The following ZNF595 variants were observed in gnomAD, a reference collection of about 807,000 sequenced individuals.
ZNF595 encodes the protein zinc finger protein 595.
ZNF595 carries 9 observed loss-of-function variants against 19.4 expected under a neutral mutation model. That is an observed-to-expected ratio of 0.46 (90% CI 0.28 to 0.81). The LOEUF is 0.81. Among genes scored for constraint, ZNF595 ranks in the 30% least tolerant of loss-of-function variants. ZNF595 has a pLI of 0.11. For synonymous variants in ZNF595, 255 were observed against 255.9 expected (o/e 1.00, Z 0.03); for missense variants, 729 against 736.0 (o/e 0.99, Z 0.11).
rs528790386 is a variant in ZNF595 at position 80,683 on chromosome 4, T to G, written c.227-5048T>G. ...GGGACAGGGGTCACAAGGTGCTCAG[T>G]TGGGGAGCTTCTGAGCCAGGAGAAG... On this transcript the variant is annotated intron_variant, in intron 3 of 3. Coordinates refer to ENST00000610261, the MANE Select transcript of ZNF595 (RefSeq NM_182524.4). Among the ~76,000 whole-genome samples, 325 of 152,172 alleles carry G rather than the reference T, an allele frequency of 2.1e-3. 2 individuals are homozygous for G. Among genetic ancestry groups the G allele is most frequent in the African/African-American group, 7.4e-3 (308 of 41,504 alleles).
chr4:76,203 A>G (rs367845511), intron 3 of ZNF595, among the ~76,000 whole-genome samples: 2 of 152,132 alleles, frequency 1.3e-5, no homozygotes, highest in Non-Finnish European at 2.9e-5. Flanking sequence ...CACTTGTTTT[A>G]AGTAAATAGC....
Position 85,757 on chromosome 4 carries a change from C to T in ZNF595, c.253C>T (p.Leu85Phe), listed in dbSNP as rs782552932. The T allele has an allele frequency of 1.8e-5, 28 of 1,594,810 alleles. No homozygotes were observed. The highest frequency in any genetic ancestry group is 2.2e-5 in the Non-Finnish European group (26 of 1,170,030). The stretch of plus-strand genomic sequence containing the variant: ...TATATGTTCTCCTTTCAGCCAAGAC[C>T]TTTCACCAGTGCAGGGGATAGAAGA... ...PAICSPFSQD[L>F]SPVQGIEDSF... The change falls in exon 4 of 4, where the codon CTT (leucine) becomes TTT (phenylalanine). Residue 85 changes from leucine to phenylalanine, a missense_variant. Physicochemically the swap from Leu to Phe is conservative, Grantham distance 22. Transcript: ENST00000610261.
At chr4:82,443 G>A (rs1196994735) in intron 3 of ZNF595, among the ~76,000 whole-genome samples, 1 of 130,198 alleles carries the variant, frequency 7.7e-6, no homozygotes, top group Non-Finnish European at 1.5e-5. Flanking sequence ...GAGTGCAACA[G>A]CGTGATCTCA....
At chr4:76,299 C>T (rs928259638) in intron 3 of ZNF595, among the ~76,000 whole-genome samples, 3 of 152,064 alleles carry the variant, frequency 2.0e-5, no homozygotes, top group Non-Finnish European at 4.4e-5. Flanking sequence ...ACCTCCTGGC[C>T]TCAAGCAAAA....
chr4:84,889 A>T (rs375750834), intron 3 of ZNF595, among the ~76,000 whole-genome samples: 7 of 152,232 alleles, frequency 4.6e-5, no homozygotes, highest in African/African-American at 1.2e-4. Context: ...TAAAATTTCT[A>T]CATCTTCATT....
In ZNF595 at chr4:86,831, A is replaced by G. The variant is rs1042369364; in HGVS notation, c.1327A>G (p.Lys443Glu). 3.7e-6 allele frequency: 6 copies of G among 1,613,874 alleles called. No homozygotes were observed. Among genetic ancestry groups the G allele is most frequent in the Non-Finnish European group, 5.1e-6 (6 of 1,179,898 alleles). ...FNQSSTLILH[K>E]RIHSGQKPYK... ...CCAATCCTCAACTCTTATATTACAC[A>G]AGAGAATCCATTCTGGGCAAAAACC... Residue 443 changes from lysine (K) to glutamate (E), a missense_variant, in exon 4 of 4, where the codon AAG (lysine) becomes GAG (glutamate). By Grantham distance (56) the Lys-to-Glu change is moderately conservative (BLOSUM62 1). Around this residue, in one of 2 missense-constraint regions of ZNF595, gnomAD observed 729 missense variants for 675.3 expected, o/e 1.08. Coordinates refer to ENST00000610261, the MANE Select transcript of ZNF595 (RefSeq NM_182524.4).
rs782113308 is a variant in ZNF595, at chr4:86,721, A to C, written c.1217A>C (p.Tyr406Ser). The C allele has an allele frequency of 6.2e-7, 1 of 1,612,522 alleles. No individual in the cohort carries two copies. Among genetic ancestry groups the C allele is most frequent in the African/African-American group, 1.3e-5 (1 of 74,456 alleles). The change falls in exon 4 of 4, where the codon TAT (tyrosine) becomes TCT (serine). Residue 406 changes from tyrosine (Y) to serine (S), a missense_variant. By Grantham distance (144) the Tyr-to-Ser change is moderately radical. This residue lies in a region of ZNF595 where 729 missense variants were observed against 675.3 expected (regional missense o/e 1.08). Transcript: ENST00000610261. ...YTCEECGKAF[Y>S]RSSHLAKHKR... The stretch of plus-strand genomic sequence containing the variant: ...TGTGAAGAATGTGGCAAAGCTTTTT[A>C]TAGGTCCTCACACCTTGCTAAACAT...
At chr4:82,670 C>A (rs1436608090) in intron 3 of ZNF595, among the ~76,000 whole-genome samples, 6 of 151,912 alleles carry the variant, frequency 3.9e-5, no homozygotes, top group African/African-American at 1.4e-4. Flanking sequence ...AGGCATGAGC[C>A]ACTGCACCCA....
At chr4:78,951 C>T (rs1251421621) in intron 3 of ZNF595, among the ~76,000 whole-genome samples, 9 of 152,174 alleles carry the variant, frequency 5.9e-5, no homozygotes, top group East Asian at 1.9e-4. Flanking sequence ...CCTCGGCCTC[C>T]GAAAGTGCTG....
intron 3 of ZNF595, among the ~76,000 whole-genome samples, chr4:83,025 T>A (rs924317472): frequency 2.0e-5 from 3 of 152,096 alleles, no homozygotes; most frequent in Non-Finnish European, 4.4e-5. Flanking sequence ...AGTATTTGCT[T>A]TATATATTTG....
chr4:86,197 A>G lies in ZNF595; in HGVS notation c.693A>G (p.Glu231=). 1 of 1,613,892 alleles carries G rather than the reference A, an allele frequency of 6.2e-7. No homozygotes were observed. The highest frequency in any genetic ancestry group is 8.5e-7 in the Non-Finnish European group (1 of 1,179,868). Residue 231 remains glutamate (E), a synonymous_variant, in exon 4 of 4, where the codon GAA becomes GAG. Coordinates refer to ENST00000610261, the MANE Select transcript of ZNF595 (RefSeq NM_182524.4). ...IHTGEKPYTC[E]ECGKAFRRST... Reference sequence around the variant, plus strand: ...CTGGAGAGAAACCCTACACATGTGAAGAATGTGGCAAAGCCTTTAGACGGT... The same window carrying G: ...CTGGAGAGAAACCCTACACATGTGAGGAATGTGGCAAAGCCTTTAGACGGT...
At chr4:66,451 T>C (rs1257481068) in intron 3 of ZNF595, among the ~76,000 whole-genome samples, 1 of 152,124 alleles carries the variant, frequency 6.6e-6, no homozygotes, top group African/African-American at 2.4e-5. Flanking sequence ...ATAAATTTAA[T>C]GTAGTCCTAC....
At chr4:66,597 A>G (rs1713122032) in intron 3 of ZNF595, among the ~76,000 whole-genome samples, 1 of 150,332 alleles carries the variant, frequency 6.7e-6, no homozygotes, top group Non-Finnish European at 1.5e-5. Flanking sequence ...TAAATATTTA[A>G]CTCATTCAAG....
At chr4:74,771 C>G (rs1037846329) in intron 3 of ZNF595, among the ~76,000 whole-genome samples, 4 of 152,166 alleles carry the variant, frequency 2.6e-5, no homozygotes, top group Non-Finnish European at 5.9e-5. Context: ...TGATTAGCCT[C>G]TCCAAAGGAG....
rs782488413 is a variant in ZNF595, at chr4:86,980, C to T, written c.1476C>T (p.Ser492=). ...AATGTGGCAAAGCTTTCATATGGTC[C>T]GCAAGCCTGAATGAACATAAGAATA... ...CEECGKAFIW[S]ASLNEHKNIH... is the part of the protein sequence containing the mutation. Residue 492 remains serine, a synonymous_variant, in exon 4 of 4, where the codon TCC becomes TCT. Transcript: ENST00000610261. 45 of 1,613,580 alleles carry T rather than the reference C, an allele frequency of 2.8e-5. No homozygotes were observed. The highest frequency in any genetic ancestry group is 3.3e-5 in the Admixed American group (2 of 59,958).
At chr4:69,808 C>G (rs1453679630) in intron 3 of ZNF595, among the ~76,000 whole-genome samples, 1 of 152,128 alleles carries the variant, frequency 6.6e-6, no homozygotes, top group Non-Finnish European at 1.5e-5. Context: ...CTTTGGCTCC[C>G]TGTGCTTGTG....
At chr4:70,538 A>G (rs782025021) in intron 3 of ZNF595, among the ~76,000 whole-genome samples, 2 of 152,060 alleles carry the variant, frequency 1.3e-5, no homozygotes, top group African/African-American at 4.8e-5. Flanking sequence ...GAGTTTCACC[A>G]TGTTGGCCAC....
At chr4:61,965 G>A (rs1351680147) in intron 3 of ZNF595, among the ~76,000 whole-genome samples, 1 of 144,256 alleles carries the variant, frequency 6.9e-6, no homozygotes, top group African/African-American at 2.6e-5. Context: ...GAAACAAAAT[G>A]TCAAGTTGAT....
chr4:70,341 CTTTTT>C (rs111892917), intron 3 of ZNF595, among the ~76,000 whole-genome samples: 1 of 143,906 alleles, frequency 6.9e-6, no homozygotes, highest in African/African-American at 2.5e-5. Context: ...GATAAATATC[CTTTTT>C]TTTTTTTTGA....
Sources: gnomAD v4.1 joint callset for allele counts (sites outside exome capture counted in the v4.1 genomes callset) on GRCh38, gnomAD v4.1.1 for gene constraint, gnomAD v4.1.1 regional missense constraint, MANE v1.5 for transcripts, NCBI Gene and HGNC (gene_info 2026-07-23, HGNC 2026-07-21) for gene names.